Variants in CDC34 observed in about 807,000 individuals in gnomAD.
The protein encoded by CDC34 is cell division cycle 34, ubiquitin conjugating enzyme.
In CDC34, 18 loss-of-function variants were observed where a neutral mutation model predicts 26.8. The ratio of observed to expected loss-of-function variants is 0.67; its 90% CI spans 0.47 to 1.00. The LOEUF (loss-of-function observed/expected upper bound fraction) is 1.00. Ranked by LOEUF, CDC34 falls within the 50% of genes least tolerant of loss-of-function variation. The pLI, the probability that CDC34 is intolerant of heterozygous loss-of-function variation, is 0.00. For missense variants in CDC34, 280 were observed against 334.5 expected, an observed-to-expected ratio of 0.84 and a Z score of 1.27; for synonymous variants, 178 against 147.5, an observed-to-expected ratio of 1.21 and a Z score of -1.50.
chr19:539,725 G>A (rs1284771670), intron 4 of CDC34, among the ~76,000 whole-genome samples: 4 of 152,214 alleles, frequency 2.6e-5, no homozygotes, highest in Admixed American at 1.3e-4. Flanking sequence ...CCTCGTTCCT[G>A]TTTTCTGTCA....
In CDC34 at chr19:541,539, C is replaced by T. The variant is rs750335335; in HGVS notation, c.698C>T (p.Thr233Met). 13 of 1,591,848 alleles carry T rather than the reference C, an allele frequency of 8.2e-6. No homozygotes were observed. Among genetic ancestry groups the T allele is most frequent in the Admixed American group, 6.9e-5 (4 of 58,022 alleles). Residue 233 changes from threonine (T) to methionine (M), a missense_variant, in exon 5 of 5, where the codon ACG becomes ATG. Coordinates refer to ENST00000215574, the MANE Select transcript of CDC34 (RefSeq NM_004359.2). ...GGGGACGATGAGGATGACTCTGGCACGGAGGAGTCCTGACACCACCAGAAT... is the reference window on the plus strand; with the variant it reads ...GGGGACGATGAGGATGACTCTGGCATGGAGGAGTCCTGACACCACCAGAAT... Reference protein sequence around the residue: ...CFGDDEDDSGTEES With the variant: ...CFGDDEDDSGMEES
rs16990556 is a variant in CDC34 at position 536,245 on chromosome 19, G to T, written c.267G>T (p.Thr89=). Residue 89 remains threonine (T), a splice_region_variant and synonymous_variant, in exon 3 of 5, where the codon ACG becomes ACT. Coordinates refer to ENST00000215574, the MANE Select transcript of CDC34 (RefSeq NM_004359.2). ...TGACCTGTCTTCTTCTTGTGCAGAC[G>T]GGGGACGTGTGTATCTCCATCCTCC... ...TKMWHPNIYE[T]GDVCISILHP... is the part of the protein sequence containing the mutation. 1.1e-5 allele frequency: 18 copies of T among 1,603,596 alleles called. No homozygotes were observed. In the South Asian group the frequency reaches 1.8e-4, roughly 16 times the overall value.
At chr19:541,242 T>A (rs16990638) in intron 4 of CDC34, 97 bp from the exon 5 acceptor site, 1 of 1,414,498 alleles carries the variant, frequency 7.1e-7, no homozygotes, top group Non-Finnish European at 9.3e-7. Context: ...AAGAGAAACC[T>A]GAGCGTTGGG....
Position 531,837 on chromosome 19 carries a change from C to G in CDC34, c.-95C>G, listed in dbSNP as rs956669448. 37 of 686,906 alleles carry G rather than the reference C, an allele frequency of 5.4e-5. No individual in the cohort carries two copies. The highest frequency in any genetic ancestry group is 6.6e-5 in the South Asian group (1 of 15,156). 42.6% of individuals were successfully genotyped at this position (686,906 alleles called of 1,614,324 possible). A position where few individuals can be genotyped will look rare whatever the true frequency, so the allele number is the denominator to read the frequency against. On this transcript the variant is annotated 5_prime_UTR_variant, in exon 1 of 5. Transcript: ENST00000215574. The stretch of plus-strand genomic sequence containing the variant: ...GAGGCAGGCGGCGGCCCCGGTGGCT[C>G]CCCCCCGGACGGTGCGCGGCCCGGC...
chr19:533,087 C>G (rs1979571378), intron 1 of CDC34, among the ~76,000 whole-genome samples: 2 of 152,196 alleles, frequency 1.3e-5, no homozygotes, highest in Non-Finnish European at 2.9e-5. Flanking sequence ...CAGGCCAAAA[C>G]CAGGGCAGTT....
At chr19:538,297 C>T (rs1453197118) in intron 4 of CDC34, among the ~76,000 whole-genome samples, 4 of 152,116 alleles carry the variant, frequency 2.6e-5, no homozygotes, top group African/African-American at 7.2e-5. Flanking sequence ...CTACCGGCGC[C>T]TTCTGTACCT....
chr19:535,535 G>A (rs10415110), intron 1 of CDC34, among the ~76,000 whole-genome samples: 10,815 of 152,284 alleles, frequency 0.071, 459 homozygotes, highest in Middle Eastern at 0.18. Flanking sequence ...GGGCTGCCAC[G>A]GGCCTGGAGC....
chr19:532,427 G>A (rs1979536819), intron 1 of CDC34, among the ~76,000 whole-genome samples: 1 of 152,178 alleles, frequency 6.6e-6, no homozygotes, highest in South Asian at 2.1e-4. Flanking sequence ...TCTGGGCGTG[G>A]GGCTCTTGCC....
chr19:537,287 A>G lies in CDC34; in HGVS notation c.497+140A>G, dbSNP rs1442379424. 4.2e-6 allele frequency: 4 copies of G among 949,758 alleles called. 1 individual carries two copies. The highest frequency in any genetic ancestry group is 3.1e-5 in the South Asian group (2 of 64,048). The allele number at this position is 949,758 out of a possible 1,614,324, so 58.8% of individuals were successfully genotyped here. A position where few individuals can be genotyped will look rare whatever the true frequency, so the allele number is the denominator to read the frequency against. On this transcript the variant is annotated intron_variant, in intron 4 of 4. Coordinates refer to ENST00000215574, the MANE Select transcript of CDC34 (RefSeq NM_004359.2). ...GGTGCCCATTTACAGGGTGCCAGTC[A>G]CAGATGGAGGCCGGGCCGAGTGGCG... is the stretch of plus-strand genomic sequence containing the variant.
chr19:539,794 C>T (rs1356981356), intron 4 of CDC34, among the ~76,000 whole-genome samples: 1 of 152,236 alleles, frequency 6.6e-6, no homozygotes, highest in Non-Finnish European at 1.5e-5. Flanking sequence ...CCTTTGCTTC[C>T]AGTCCTGGGG....
chr19:538,020 T>C (rs1435721282), intron 4 of CDC34, among the ~76,000 whole-genome samples: 1 of 152,266 alleles, frequency 6.6e-6, no homozygotes, highest in Admixed American at 6.5e-5. Context: ...TGTGCTTTAA[T>C]GAAGAAATGG....
intron 3 of CDC34, 99 bp from the exon 4 acceptor site, chr19:536,914 C>T: frequency 1.4e-6 from 2 of 1,400,580 alleles, no homozygotes; most frequent in Non-Finnish European, 2.0e-6. Flanking sequence ...AGGTCACCTG[C>T]TGGGTGGGTC....
intron 3 of CDC34, 94 bp downstream of exon 3, chr19:536,434 C>T: frequency 8.7e-6 from 9 of 1,036,288 alleles, no homozygotes; most frequent in Non-Finnish European, 1.3e-5. Context: ...GCCGGGCTCC[C>T]CCACAGGCTG....
At chr19:541,209 A>G (rs1463483373) in intron 4 of CDC34, 130 bp from the exon 5 acceptor site, 1 of 1,213,616 alleles carries the variant, frequency 8.2e-7, no homozygotes. Context: ...GCTTTGTCCT[A>G]AGTGGTCGCC....
intron 4 of CDC34, among the ~76,000 whole-genome samples, chr19:537,887 C>T (rs879360588): frequency 6.6e-6 from 1 of 151,436 alleles, no homozygotes; most frequent in Non-Finnish European, 1.5e-5. Context: ...AAACTCCTGA[C>T]CTCAGGTGAT....
At position 541,767 on chromosome 19, in the gene CDC34, G is replaced by A. The variant is rs1336824849; in HGVS notation, c.*215G>A. Reference sequence around the variant, plus strand: ...CCACTCACGTCACTCGGGGCTCGGTGGACGGGCCCAGGGTGGGAGCGGCCG... The same window carrying A: ...CCACTCACGTCACTCGGGGCTCGGTAGACGGGCCCAGGGTGGGAGCGGCCG... On this transcript the variant is annotated 3_prime_UTR_variant, in exon 5 of 5. Coordinates refer to ENST00000215574, the MANE Select transcript of CDC34 (RefSeq NM_004359.2). 2 of 452,258 alleles carry A rather than the reference G, an allele frequency of 4.4e-6. No homozygotes were observed. Among genetic ancestry groups the A allele is most frequent in the Non-Finnish European group, 7.6e-6 (2 of 264,562 alleles). The allele number at this position is 452,258 out of a possible 1,614,324, so 28.0% of individuals were successfully genotyped here.
At chr19:534,434 A>G (rs62132564) in intron 1 of CDC34, among the ~76,000 whole-genome samples, 18,875 of 96,996 alleles carry the variant, frequency 0.19, 768 homozygotes, top group East Asian at 0.34. Flanking sequence ...CCCTGTCCAG[A>G]CCTCGCCCAC....
At position 541,484 on chromosome 19, in the gene CDC34, G is replaced by A. The variant is rs745626145; in HGVS notation, c.643G>A (p.Glu215Lys). The stretch of plus-strand genomic sequence containing the variant: ...CTACGACGACTACTACGAGGACGGC[G>A]AGGTGGAGGAGGAGGCCGACAGCTG... Reference protein sequence around the residue: ...LFYDDYYEDGEVEEEADSCFG... With the variant: ...LFYDDYYEDGKVEEEADSCFG... Residue 215 changes from glutamate (E) to lysine (K), a missense_variant, in exon 5 of 5, where the codon GAG (glutamate) becomes AAG (lysine). Coordinates refer to ENST00000215574, the MANE Select transcript of CDC34 (RefSeq NM_004359.2). 5 of 1,611,634 alleles carry A rather than the reference G, an allele frequency of 3.1e-6. No individual in the cohort carries two copies. Among genetic ancestry groups the A allele is most frequent in the Non-Finnish European group, 4.2e-6 (5 of 1,179,078 alleles).
intron 1 of CDC34, among the ~76,000 whole-genome samples, chr19:532,848 C>T (rs1392796262): frequency 6.6e-6 from 1 of 152,152 alleles, no homozygotes; most frequent in Non-Finnish European, 1.5e-5. Context: ...TCCAGGCCTC[C>T]CGGCTCGGGC....
Sources: allele counts gnomAD v4.1 joint callset (sites outside exome capture counted in the v4.1 genomes callset), GRCh38; gene constraint gnomAD v4.1.1; transcripts MANE v1.5; gene names NCBI Gene and HGNC (gene_info 2026-07-23, HGNC 2026-07-21).